Variants in CDK19 observed in about 807,000 individuals in gnomAD.
CDK19 encodes cyclin dependent kinase 19.
A neutral mutation model predicts 68.3 loss-of-function variants in CDK19; 20 were observed. That is an observed-to-expected ratio of 0.29 (90% CI 0.21 to 0.43). The LOEUF (loss-of-function observed/expected upper bound fraction) is 0.43, where lower values mean the gene tolerates loss of function less well. CDK19 is among the 20% of genes least tolerant of loss of function. The probability of loss-of-function intolerance (pLI) is 1.00; values close to 1 mark genes in which losing one functional copy is unlikely to be tolerated. For missense variants in CDK19, 339 were observed against 623.5 expected (o/e 0.54, Z 4.86); for synonymous variants, 221 against 222.8 (o/e 0.99, Z 0.07).
At chr6:110,662,581 T>C (rs1251903883) in intron 4 of CDK19, among the ~76,000 whole-genome samples, 1 of 152,110 alleles carries the variant, frequency 6.6e-6, no homozygotes, top group Non-Finnish European at 1.5e-5. Context: ...GCACAAACAA[T>C]ATGCCAATGC....
intron 2 of CDK19, among the ~76,000 whole-genome samples, chr6:110,708,039 T>A (rs184061286): frequency 1.3e-5 from 2 of 152,312 alleles, no homozygotes; most frequent in East Asian, 1.9e-4. Flanking sequence ...TTATAAACAA[T>A]GCTATAATGA....
Position 110,815,356 on chromosome 6 carries a change from A to C in CDK19, c.-220T>G. The C allele has an allele frequency of 2.5e-6, 1 of 393,502 alleles. No individual in the cohort carries two copies. 24.4% of individuals were successfully genotyped at this position (393,502 alleles called of 1,614,324 possible). A position where few individuals can be genotyped will look rare whatever the true frequency, so the allele number is the denominator to read the frequency against. ...CACCTCTTCCTCCTCCTCCTCCGCGACGGCGGCGGCGGCTCCCGCAGGCAC... is the reference window on the plus strand; with the variant it reads ...CACCTCTTCCTCCTCCTCCTCCGCGCCGGCGGCGGCGGCTCCCGCAGGCAC... On this transcript the variant is annotated 5_prime_UTR_variant, in exon 1 of 13. Transcript: ENST00000368911.
At chr6:110,724,280 G>A (rs557383181) in intron 2 of CDK19, among the ~76,000 whole-genome samples, 125 of 152,260 alleles carry the variant, frequency 8.2e-4, no homozygotes, top group Middle Eastern at 3.4e-3. Context: ...ACTTGAACCC[G>A]GGAGGCGGAG....
intron 4 of CDK19, among the ~76,000 whole-genome samples, chr6:110,644,170 T>C (rs1454208265): frequency 6.6e-6 from 1 of 151,904 alleles, no homozygotes; most frequent in Non-Finnish European, 1.5e-5. Context: ...CCCGTGCCTG[T>C]AGTCCTAGCT....
intron 4 of CDK19, among the ~76,000 whole-genome samples, chr6:110,665,420 C>G (rs1383928981): frequency 6.6e-6 from 1 of 152,090 alleles, no homozygotes; most frequent in Non-Finnish European, 1.5e-5. Context: ...AGAGAGGACA[C>G]TAAAGCAGCA....
At chr6:110,725,554 C>CAGAG in intron 2 of CDK19, among the ~76,000 whole-genome samples, 1 of 149,606 alleles carries the variant, frequency 6.7e-6, no homozygotes, top group South Asian at 2.1e-4. Flanking sequence ...GAGAGAGGGG[C>CAGAG]AGAGAGAGAG....
Position 110,814,664 on chromosome 6 carries a change from G to A in CDK19, c.128+345C>T, listed in dbSNP as rs1160400128. 1.2e-5 allele frequency: 6 copies of A among 511,616 alleles called. No individual in the cohort carries two copies. In the East Asian group the frequency reaches 1.6e-4, roughly 14 times the overall value. 31.7% of individuals were successfully genotyped at this position (511,616 alleles called of 1,614,324 possible). A position where few individuals can be genotyped will look rare whatever the true frequency, so the allele number is the denominator to read the frequency against. ...GCAACTCCGCAGCGGAGCTCTGCCTGCCCGCTGCGTTCCCCCAAGAGACTA... is the reference window on the plus strand; with the variant it reads ...GCAACTCCGCAGCGGAGCTCTGCCTACCCGCTGCGTTCCCCCAAGAGACTA... On this transcript the variant is annotated intron_variant, in intron 1 of 12. Coordinates refer to ENST00000368911, the MANE Select transcript of CDK19 (RefSeq NM_015076.5).
chr6:110,701,549 C>T (rs1364298171), intron 2 of CDK19, among the ~76,000 whole-genome samples: 1 of 147,442 alleles, frequency 6.8e-6, no homozygotes, highest in East Asian at 2.0e-4. Flanking sequence ...AAGACTCTGT[C>T]TCAAAAAAAA....
intron 2 of CDK19, among the ~76,000 whole-genome samples, chr6:110,704,752 T>C (rs965003613): frequency 3.3e-5 from 5 of 152,030 alleles, no homozygotes; most frequent in African/African-American, 4.8e-5. Context: ...TACAACTATA[T>C]AGATTCAGGT....
At chr6:110,806,334 C>T (rs1164165198) in intron 1 of CDK19, among the ~76,000 whole-genome samples, 1 of 124,780 alleles carries the variant, frequency 8.0e-6, no homozygotes. Flanking sequence ...GAGCGAAACT[C>T]CATCTCAAAA....
chr6:110,747,744 C>A (rs1410272057), intron 1 of CDK19, among the ~76,000 whole-genome samples: 2 of 152,144 alleles, frequency 1.3e-5, no homozygotes, highest in Non-Finnish European at 2.9e-5. Context: ...AAAGCAAAGT[C>A]AAAAATAAGG....
chr6:110,613,390 C>A lies in CDK19; in HGVS notation c.*1145G>T, dbSNP rs1267098250. 6.6e-6 allele frequency: 1 copy of A among 152,582 alleles called. No homozygotes were observed. The highest frequency in any genetic ancestry group is 6.5e-5 in the Admixed American group (1 of 15,274). 9.5% of individuals were successfully genotyped at this position (152,582 alleles called of 1,614,324 possible). On this transcript the variant is annotated 3_prime_UTR_variant, in exon 13 of 13. Transcript: ENST00000368911. ...ATGCATACATAATACATACTTTAAA[C>A]ATGAATAAAACCTAAATTTTTAACA...
chr6:110,730,459 T>C (rs1776663635), intron 2 of CDK19, among the ~76,000 whole-genome samples: 2 of 152,234 alleles, frequency 1.3e-5, no homozygotes, highest in Admixed American at 6.5e-5. Context: ...CTCAGCTTTC[T>C]TTACTATTTG....
intron 2 of CDK19, among the ~76,000 whole-genome samples, chr6:110,682,903 C>A (rs530313647): frequency 6.6e-6 from 1 of 152,160 alleles, no homozygotes; most frequent in Non-Finnish European, 1.5e-5. Flanking sequence ...GGGCCAGGCA[C>A]GGTGGCTCAC....
intron 5 of CDK19, among the ~76,000 whole-genome samples, chr6:110,635,608 C>T (rs555311748): frequency 1.3e-3 from 192 of 152,288 alleles, no homozygotes; most frequent in Admixed American, 6.3e-3. Context: ...GGCATGATCT[C>T]GGCTCACTGC....
chr6:110,696,577 A>G (rs1773504705), intron 2 of CDK19, among the ~76,000 whole-genome samples: 1 of 152,178 alleles, frequency 6.6e-6, no homozygotes, highest in South Asian at 2.1e-4. Context: ...TGCTGATATG[A>G]TTGTATACCT....
intron 12 of CDK19, among the ~76,000 whole-genome samples, chr6:110,615,479 G>A (rs1270570316): frequency 1.3e-5 from 2 of 152,168 alleles, no homozygotes; most frequent in Non-Finnish European, 2.9e-5. Flanking sequence ...TTTCTTGTAA[G>A]CAAAGTGGGA....
intron 2 of CDK19, among the ~76,000 whole-genome samples, chr6:110,672,986 T>C (rs1324315062): frequency 4.6e-5 from 7 of 152,162 alleles, no homozygotes; most frequent in African/African-American, 1.7e-4. Flanking sequence ...ATTTACTTAA[T>C]CCCACTACTT....
chr6:110,677,161 A>G (rs1771599968), intron 2 of CDK19, among the ~76,000 whole-genome samples: 2 of 152,216 alleles, frequency 1.3e-5, no homozygotes, highest in African/African-American at 4.8e-5. Context: ...GCCAGGAGTG[A>G]TATTTCAAAA....
Sources: gnomAD v4.1 joint callset for allele counts (sites outside exome capture counted in the v4.1 genomes callset) on GRCh38, gnomAD v4.1.1 for gene constraint, MANE v1.5 for transcripts, NCBI Gene and HGNC (gene_info 2026-07-23, HGNC 2026-07-21) for gene names.